GRXCR1: variants seen among roughly 807,000 people sequenced by gnomAD.
The protein encoded by GRXCR1 is glutaredoxin and cysteine rich domain containing 1, also known as glutaredoxin domain-containing cysteine-rich protein 1.
Under a neutral mutation model 27.3 loss-of-function variants are expected in GRXCR1, and 27 were observed. The observed-to-expected ratio is 0.99, with a 90% CI of 0.73 to 1.37. The LOEUF is 1.37. Ranked by LOEUF, GRXCR1 falls within the 40% of genes most tolerant of loss-of-function variation. GRXCR1 has a pLI of 0.00. For synonymous variants in GRXCR1, 122 were observed against 131.1 expected (o/e 0.93, Z 0.47); for missense variants, 379 against 354.4 (o/e 1.07, Z -0.56).
At chr4:42,935,781 C>G (rs759422947) in intron 1 of GRXCR1, among the ~76,000 whole-genome samples, 1 of 151,818 alleles carries the variant, frequency 6.6e-6, no homozygotes, top group Non-Finnish European at 1.5e-5. Flanking sequence ...TTTGAATAAT[C>G]TTAATGCGTT....
At chr4:43,014,441 C>T (rs943404738) in intron 2 of GRXCR1, among the ~76,000 whole-genome samples, 2 of 152,086 alleles carry the variant, frequency 1.3e-5, no homozygotes, top group Admixed American at 6.6e-5. Context: ...ATGCTAGGTG[C>T]GGGTCGAACT....
chr4:42,963,193 C>A (rs777967428), intron 2 of GRXCR1, 59 bp downstream of exon 2: 28 of 1,569,302 alleles, frequency 1.8e-5, no homozygotes, highest in Non-Finnish European at 2.2e-5. Context: ...TGATAGAAAT[C>A]TATAACCATC....
intron 2 of GRXCR1, among the ~76,000 whole-genome samples, chr4:42,982,215 C>T (rs1485377997): frequency 1.3e-5 from 2 of 149,510 alleles, no homozygotes; most frequent in Non-Finnish European, 3.0e-5. Context: ...CTCCCCCTAC[C>T]CCACAACAGT....
intron 1 of GRXCR1, among the ~76,000 whole-genome samples, chr4:42,941,276 C>A (rs2109762986): frequency 1.3e-5 from 2 of 152,060 alleles, no homozygotes; most frequent in Middle Eastern, 3.4e-3. Context: ...GTTTCAATTA[C>A]CATTACTTGC....
intron 1 of GRXCR1, among the ~76,000 whole-genome samples, chr4:42,960,851 T>C (rs554823641): frequency 2.0e-5 from 3 of 152,008 alleles, no homozygotes; most frequent in African/African-American, 7.2e-5. Context: ...ATTTTAATTT[T>C]AATTTTAAGT....
intron 1 of GRXCR1, among the ~76,000 whole-genome samples, chr4:42,919,236 C>A (rs776763160): frequency 6.6e-6 from 1 of 152,132 alleles, no homozygotes; most frequent in Non-Finnish European, 1.5e-5. Flanking sequence ...TCATGCCTTT[C>A]AGTTCAGCAC....
intron 1 of GRXCR1, among the ~76,000 whole-genome samples, chr4:42,908,040 AG>A (rs1049805773): frequency 1.3e-5 from 2 of 152,136 alleles, no homozygotes; most frequent in Admixed American, 6.5e-5. Context: ...GCCTTCCTAC[AG>A]GGGGGTCATC....
chr4:42,901,628 A>G (rs956512102), intron 1 of GRXCR1, among the ~76,000 whole-genome samples: 2 of 152,200 alleles, frequency 1.3e-5, no homozygotes. Context: ...TGCTGTGTAA[A>G]GAAATATATT....
chr4:42,934,282 G>A (rs1229160509), intron 1 of GRXCR1, among the ~76,000 whole-genome samples: 3 of 150,462 alleles, frequency 2.0e-5, no homozygotes, highest in African/African-American at 4.9e-5. Context: ...ACACAGTTTA[G>A]CATATCCGAA....
chr4:42,926,486 G>A (rs1470292234), intron 1 of GRXCR1, among the ~76,000 whole-genome samples: 1 of 146,794 alleles, frequency 6.8e-6, no homozygotes, highest in African/African-American at 2.5e-5. Context: ...CACAGATTTG[G>A]GAATACTGTT....
chr4:43,020,659 A>T (rs926220656), intron 3 of GRXCR1, among the ~76,000 whole-genome samples: 2 of 152,174 alleles, frequency 1.3e-5, no homozygotes, highest in Admixed American at 6.5e-5. Flanking sequence ...GCTTTATTTG[A>T]TCCCAACTCT....
chr4:43,014,611 G>A (rs969485878), intron 2 of GRXCR1, among the ~76,000 whole-genome samples: 5 of 152,136 alleles, frequency 3.3e-5, no homozygotes, highest in African/African-American at 1.2e-4. Flanking sequence ...TGAGAGAAGC[G>A]ATAGAAGTCA....
intron 2 of GRXCR1, among the ~76,000 whole-genome samples, chr4:42,978,611 A>G (rs1262984351): frequency 6.6e-6 from 1 of 152,094 alleles, no homozygotes; most frequent in Non-Finnish European, 1.5e-5. Context: ...TAGTGTTAAT[A>G]TACAGTAATG....
chr4:42,987,236 TATATAATATATAATA>T lies in GRXCR1; in HGVS notation c.627+24103_627+24117del, dbSNP rs1225616657. On this transcript the variant is annotated intron_variant, in intron 2 of 3. Transcript: ENST00000399770. ...TTATATATATATTATATATTATATA[TATATAATATATAATA>T]TATATATATAATATATATATATATA... Among the ~76,000 whole-genome samples, 657 of 70,616 alleles carry T rather than the reference TATATAATATATAATA, an allele frequency of 9.3e-3. 5 individuals carry two copies. The highest frequency in any genetic ancestry group is 0.03 in the African/African-American group (638 of 21,386). The allele number at this position is 70,616 out of a possible 152,430, so 46.3% of individuals were successfully genotyped here.
intron 2 of GRXCR1, among the ~76,000 whole-genome samples, chr4:43,006,385 G>A (rs1282673572): frequency 6.6e-6 from 1 of 152,160 alleles, no homozygotes; most frequent in Non-Finnish European, 1.5e-5. Context: ...AAGCAAATGG[G>A]AGAAATATCA....
chr4:42,909,360 T>A (rs7685293), intron 1 of GRXCR1, among the ~76,000 whole-genome samples: 3 of 152,228 alleles, frequency 2.0e-5, no homozygotes, highest in East Asian at 3.9e-4. Context: ...GGCTCCCCCA[T>A]ACCCCGAAGT....
intron 2 of GRXCR1, among the ~76,000 whole-genome samples, chr4:42,988,170 T>C (rs988312032): frequency 6.6e-5 from 10 of 152,204 alleles, no homozygotes; most frequent in Non-Finnish European, 1.0e-4. Flanking sequence ...GCAGCAATGA[T>C]ACTTGCTGAG....
At position 42,894,441 on chromosome 4, in the gene GRXCR1, A is replaced by T. The variant is rs368293170; in HGVS notation, c.384+791A>T. 4.0e-4 allele frequency among the ~76,000 whole-genome samples: 61 copies of T among 152,096 alleles called. 1 individual carries two copies. The South Asian group carries it at 0.01, about 25-fold the overall frequency. On this transcript the variant is annotated intron_variant, in intron 1 of 3. Transcript: ENST00000399770. ...ACAGATATCATTATGTCGGGAATGGAATTTATGATTGCTATCATTAAGGTA... is the reference window on the plus strand; with the variant it reads ...ACAGATATCATTATGTCGGGAATGGTATTTATGATTGCTATCATTAAGGTA...
Position 42,893,234 on chromosome 4 carries a change from T to G in GRXCR1, c.-33T>G. On this transcript the variant is annotated 5_prime_UTR_variant, in exon 1 of 4. The change abolishes an upstream ATG in the 5' untranslated region. Coordinates refer to ENST00000399770, the MANE Select transcript of GRXCR1 (RefSeq NM_001080476.3). ...TAGTGCAGTAACAACGGGTCCAGAA[T>G]GCTGTAAACTGTTCATATGGGTGGA... 1 of 1,612,878 alleles carries G rather than the reference T, an allele frequency of 6.2e-7. No homozygotes were observed. The highest frequency in any genetic ancestry group is 8.5e-7 in the Non-Finnish European group (1 of 1,179,506).
Sources: allele counts gnomAD v4.1 joint callset (sites outside exome capture counted in the v4.1 genomes callset), GRCh38; gene constraint gnomAD v4.1.1; transcripts MANE v1.5; gene names NCBI Gene and HGNC (gene_info 2026-07-23, HGNC 2026-07-21).